TRAF3: variants seen among roughly 807,000 people sequenced by gnomAD.
TRAF3 encodes TNF receptor associated factor 3.
A neutral mutation model predicts 62.3 loss-of-function variants in TRAF3; 13 were observed. The ratio of observed to expected loss-of-function variants is 0.21; its 90% CI spans 0.14 to 0.33. The LOEUF (loss-of-function observed/expected upper bound fraction) is 0.33, where lower values mean the gene tolerates loss of function less well. TRAF3 is among the 10% of genes least tolerant of loss of function. TRAF3 has a pLI of 1.00. For synonymous variants in TRAF3, 269 were observed against 283.4 expected (o/e 0.95, Z 0.51); for missense variants, 440 against 741.8 (o/e 0.59, Z 4.73).
intron 2 of TRAF3, among the ~76,000 whole-genome samples, chr14:102,835,589 C>T (rs1885950772): frequency 6.6e-6 from 1 of 152,192 alleles, no homozygotes; most frequent in Admixed American, 6.5e-5. Flanking sequence ...ATGAGATCCT[C>T]CTGTCTTTTG....
At position 102,905,912 on chromosome 14, in the gene TRAF3, C is replaced by T. The variant is rs1385096051; in HGVS notation, c.*128C>T. 2.7e-5 allele frequency: 23 copies of T among 844,036 alleles called. No individual in the cohort carries two copies. Among genetic ancestry groups the T allele is most frequent in the Admixed American group, 1.4e-4 (5 of 35,566 alleles). The allele number at this position is 844,036 out of a possible 1,614,324, so 52.3% of individuals were successfully genotyped here. On this transcript the variant is annotated 3_prime_UTR_variant, in exon 12 of 12. Coordinates refer to ENST00000392745, the MANE Select transcript of TRAF3 (RefSeq NM_145725.3). ...GACGGAGGAAGCGGCAGAAGGCGGACGCGTGCCGGCGGGAGGAGCCACGCG... is the reference window on the plus strand; with the variant it reads ...GACGGAGGAAGCGGCAGAAGGCGGATGCGTGCCGGCGGGAGGAGCCACGCG...
chr14:102,862,305 A>G (rs1887722527), intron 2 of TRAF3, among the ~76,000 whole-genome samples: 1 of 151,888 alleles, frequency 6.6e-6, no homozygotes, highest in Non-Finnish European at 1.5e-5. Context: ...AGACTGAGGC[A>G]GGAGGATTGC....
At chr14:102,904,652 T>A (rs998882298) in intron 11 of TRAF3, among the ~76,000 whole-genome samples, 1 of 148,362 alleles carries the variant, frequency 6.7e-6, no homozygotes, top group African/African-American at 2.5e-5. Context: ...CTAGTAAAAA[T>A]ACAAAAAGTT....
At chr14:102,857,347 C>T (rs778596713) in intron 2 of TRAF3, among the ~76,000 whole-genome samples, 8 of 152,170 alleles carry the variant, frequency 5.3e-5, no homozygotes, top group African/African-American at 1.2e-4. Flanking sequence ...TTTCTCTCTC[C>T]GGTCTCCCAT....
At chr14:102,793,643 G>A (rs1463738328) in intron 1 of TRAF3, among the ~76,000 whole-genome samples, 2 of 152,194 alleles carry the variant, frequency 1.3e-5, no homozygotes, top group African/African-American at 2.4e-5. Context: ...CCAGCTGTAA[G>A]CATAGGAGTT....
At chr14:102,883,401 G>A (rs1297312047) in intron 6 of TRAF3, among the ~76,000 whole-genome samples, 1 of 152,172 alleles carries the variant, frequency 6.6e-6, no homozygotes, top group East Asian at 1.9e-4. Context: ...GCACACATAT[G>A]TATAGTGAAA....
chr14:102,881,110 C>T (rs1279661414), intron 6 of TRAF3, among the ~76,000 whole-genome samples: 3 of 151,980 alleles, frequency 2.0e-5, no homozygotes, highest in Middle Eastern at 3.2e-3. Context: ...CTGCCGGTCA[C>T]GGTGACTCAC....
At position 102,903,011 on chromosome 14, in the gene TRAF3, T is replaced by G. The variant is rs1890380030; in HGVS notation, c.961-244T>G. On this transcript the variant is annotated intron_variant, in intron 10 of 11. Transcript: ENST00000392745. The surrounding 1 kb of genome is among the most constrained non-coding windows in gnomAD (Gnocchi z 6.4). ...AAGCTGACTTAGTGGAGCCTCCTGT[T>G]GTTTTCTTCCATGTGGCTTCATGTC... The G allele has an allele frequency of 1.7e-6, 1 of 573,636 alleles. No individual in the cohort carries two copies. The highest frequency in any genetic ancestry group is 1.9e-5 in the African/African-American group (1 of 53,398). The allele number at this position is 573,636 out of a possible 1,614,324, so 35.5% of individuals were successfully genotyped here.
At chr14:102,793,703 C>G (rs1354720878) in intron 1 of TRAF3, among the ~76,000 whole-genome samples, 1 of 152,178 alleles carries the variant, frequency 6.6e-6, no homozygotes, top group Non-Finnish European at 1.5e-5. Context: ...AGCACACCAC[C>G]AGTGCAGGAT....
At chr14:102,819,837 T>TTC (rs1472014219) in intron 1 of TRAF3, among the ~76,000 whole-genome samples, 1 of 152,260 alleles carries the variant, frequency 6.6e-6, no homozygotes, top group African/African-American at 2.4e-5. Flanking sequence ...ACAGTGAGAC[T>TTC]ATGAATAGCT....
At chr14:102,838,013 G>A (rs1886131378) in intron 2 of TRAF3, among the ~76,000 whole-genome samples, 1 of 152,210 alleles carries the variant, frequency 6.6e-6, no homozygotes, top group East Asian at 1.9e-4. Context: ...GCACAAGTCA[G>A]TGAGCCTGTC....
At chr14:102,898,374 A>G (rs1450765140) in intron 10 of TRAF3, among the ~76,000 whole-genome samples, 1 of 152,254 alleles carries the variant, frequency 6.6e-6, no homozygotes, top group Non-Finnish European at 1.5e-5. Flanking sequence ...ATAAAGTACA[A>G]TGTTTCTTAA....
At chr14:102,840,372 A>G (rs892210597) in intron 2 of TRAF3, among the ~76,000 whole-genome samples, 6 of 152,164 alleles carry the variant, frequency 3.9e-5, no homozygotes, top group African/African-American at 1.4e-4. Context: ...CTGAGACTAC[A>G]GGCACATGCC....
intron 1 of TRAF3, among the ~76,000 whole-genome samples, chr14:102,829,222 G>C (rs1900514115): frequency 6.6e-6 from 1 of 152,174 alleles, no homozygotes; most frequent in Non-Finnish European, 1.5e-5. Context: ...CATGGCAACT[G>C]CTTGCATTCT....
chr14:102,865,986 T>C (rs1887966446), intron 2 of TRAF3: 1 of 152,214 alleles, frequency 6.6e-6, no homozygotes, highest in Non-Finnish European at 1.5e-5. Flanking sequence ...CACATATGTT[T>C]ATTGCAGCAC....
intron 10 of TRAF3, among the ~76,000 whole-genome samples, chr14:102,899,072 G>A (rs1335232807): frequency 6.6e-6 from 1 of 152,110 alleles, no homozygotes; most frequent in Admixed American, 6.5e-5. Context: ...TCCCCTGAGT[G>A]CAGGGACACG....
intron 1 of TRAF3, among the ~76,000 whole-genome samples, chr14:102,824,056 TG>T (rs1386258087): frequency 6.6e-6 from 1 of 152,262 alleles, no homozygotes; most frequent in East Asian, 1.9e-4. Flanking sequence ...GTGATAGCGC[TG>T]CTGTGAACAT....
chr14:102,883,205 A>G (rs1198395767), intron 6 of TRAF3, among the ~76,000 whole-genome samples: 1 of 152,210 alleles, frequency 6.6e-6, no homozygotes, highest in African/African-American at 2.4e-5. Context: ...TGGAAATTAT[A>G]TTACAGTGTT....
In TRAF3 at chr14:102,826,621, C is replaced by T. The variant is rs544983921; in HGVS notation, c.-156-3713C>T. The stretch of plus-strand genomic sequence containing the variant: ...TCATCAGAGAACAGCATAACATTGG[C>T]AGAGGTCTGACATGTCATTTCCTGT... On this transcript the variant is annotated intron_variant, in intron 1 of 11. Coordinates refer to ENST00000392745, the MANE Select transcript of TRAF3 (RefSeq NM_145725.3). The surrounding 1 kb of genome is among the most constrained non-coding windows in gnomAD (Gnocchi z 4.6). Among the ~76,000 whole-genome samples, 36 of 152,276 alleles carry T rather than the reference C, an allele frequency of 2.4e-4. No individual in the cohort carries two copies. The highest frequency in any genetic ancestry group is 8.2e-4 in the African/African-American group (34 of 41,558).
Sources: gnomAD v4.1 joint callset for allele counts (sites outside exome capture counted in the v4.1 genomes callset) on GRCh38, gnomAD v4.1.1 for gene constraint, Gnocchi (gnomAD v3.1) non-coding constraint, MANE v1.5 for transcripts, NCBI Gene and HGNC (gene_info 2026-07-23, HGNC 2026-07-21) for gene names.